Variants in TMEM179 observed in about 807,000 individuals in gnomAD.
TMEM179 encodes the protein transmembrane protein 179A.
A neutral mutation model predicts 22.2 loss-of-function variants in TMEM179; 17 were observed. That is an observed-to-expected ratio of 0.77 (90% CI 0.52 to 1.15). TMEM179 has a LOEUF of 1.15. Ranked by LOEUF, TMEM179 falls within the 50% of genes most tolerant of loss-of-function variation. The pLI, the probability that TMEM179 is intolerant of heterozygous loss-of-function variation, is 0.00. For synonymous variants in TMEM179, 127 were observed against 140.5 expected (o/e 0.90, Z 0.68); for missense variants, 265 against 313.6 (o/e 0.84, Z 1.17).
chr14:104,600,402 C>T (rs1887194262), intron 1 of TMEM179, among the ~76,000 whole-genome samples: 1 of 152,226 alleles, frequency 6.6e-6, no homozygotes, highest in Admixed American at 6.5e-5. Context: ...AGCGCCGGCA[C>T]GGGCAGGCAG....
At position 104,591,422 on chromosome 14, in the gene TMEM179, AAG is replaced by A. The variant is rs1332859663; in HGVS notation, c.*2055_*2056del. Reference sequence around the variant, plus strand: ...CAGACAAGGAGCTCTCCGGACTGGAAAGAGTCCCCATGTCCAGTGGGTCAGGG... The same window carrying A: ...CAGACAAGGAGCTCTCCGGACTGGAAAGTCCCCATGTCCAGTGGGTCAGGG... On this transcript the variant is annotated 3_prime_UTR_variant, in exon 4 of 4. Transcript: ENST00000556573. 3 of 455,854 alleles carry A rather than the reference AAG, an allele frequency of 6.6e-6. No homozygotes were observed. The highest frequency in any genetic ancestry group is 1.3e-5 in the Non-Finnish European group (3 of 226,768). The allele number at this position is 455,854 out of a possible 1,614,324, so 28.2% of individuals were successfully genotyped here. A position where few individuals can be genotyped will look rare whatever the true frequency, so the allele number is the denominator to read the frequency against.
At chr14:104,596,923 C>T (rs1387953367) in intron 2 of TMEM179, 67 bp downstream of exon 2, 3 of 1,561,654 alleles carry the variant, frequency 1.9e-6, no homozygotes, top group Non-Finnish European at 2.6e-6. Context: ...TCACCCACAG[C>T]AGGGCAGGGT....
rs1173550058 is a variant in TMEM179, at chr14:104,591,886, G to A, written c.*1593C>T. On this transcript the variant is annotated 3_prime_UTR_variant, in exon 4 of 4. Coordinates refer to ENST00000556573, the MANE Select transcript of TMEM179 (RefSeq NM_001286389.2). ...CGAGCCCCGGGTGGGGAGGCCCCCC[G>A]CCTCCGCCCCCGCCCCAGAACGAGT... 4.5e-5 allele frequency: 8 copies of A among 176,366 alleles called. No homozygotes were observed. Among genetic ancestry groups the A allele is most frequent in the South Asian group, 3.6e-4 (3 of 8,394 alleles). The allele number at this position is 176,366 out of a possible 1,614,324, so 10.9% of individuals were successfully genotyped here.
Position 104,597,097 on chromosome 14 carries a change from C to A in TMEM179, c.336G>T (p.Leu112=). 6.2e-7 allele frequency: 1 copy of A among 1,604,274 alleles called. No homozygotes were observed. ...CCAGGAAGACCACGAAGGCGCTGACCAGGAGGTTCAGGAAGGCGGAGAAGA... is the reference window on the plus strand; with the variant it reads ...CCAGGAAGACCACGAAGGCGCTGACAAGGAGGTTCAGGAAGGCGGAGAAGA... ...GSFFSAFLNL[L]VSAFVVFLVF... Residue 112 remains leucine (L), a synonymous_variant, in exon 2 of 4, where the codon CTG becomes CTT. Transcript: ENST00000556573. This position sits in a 1 kb window ranked among gnomAD's most constrained non-coding sequence, Gnocchi z 4.8.
chr14:104,594,553 G>A (rs1290022633), intron 3 of TMEM179: 86 of 1,230,716 alleles, frequency 7.0e-5, no homozygotes, highest in South Asian at 4.2e-5. Context: ...CGGCCCTCAC[G>A]GGCCACTGAT....
intron 1 of TMEM179, among the ~76,000 whole-genome samples, chr14:104,598,481 C>T (rs529178539): frequency 1.3e-4 from 20 of 152,354 alleles, no homozygotes; most frequent in Admixed American, 2.6e-4. Flanking sequence ...TACCGTCATC[C>T]GAACTCGGCA....
intron 2 of TMEM179, among the ~76,000 whole-genome samples, chr14:104,596,471 T>C (rs1403087254): frequency 6.6e-6 from 1 of 152,178 alleles, no homozygotes; most frequent in East Asian, 1.9e-4. Context: ...AGAAGCTTCC[T>C]CTGCTCCTGT....
At chr14:104,602,244 G>A (rs1423359860) in intron 1 of TMEM179, among the ~76,000 whole-genome samples, 1 of 152,110 alleles carries the variant, frequency 6.6e-6, no homozygotes, top group Admixed American at 6.6e-5. Flanking sequence ...CAAGCTCTGG[G>A]GCTCTTTTCT....
rs1886834131 is a variant in TMEM179 at position 104,591,212 on chromosome 14, G to A, written c.*2267C>T. On this transcript the variant is annotated 3_prime_UTR_variant, in exon 4 of 4. Transcript: ENST00000556573. Reference sequence around the variant, plus strand: ...TTTCCATCACCCTGGCCATGGGGCTGTTCCACACCTGCTCCTGGGATCCAG... The same window carrying A: ...TTTCCATCACCCTGGCCATGGGGCTATTCCACACCTGCTCCTGGGATCCAG... 1 of 372,350 alleles carries A rather than the reference G, an allele frequency of 2.7e-6. No homozygotes were observed. Among genetic ancestry groups the A allele is most frequent in the African/African-American group, 2.1e-5 (1 of 47,202 alleles). 23.1% of individuals were successfully genotyped at this position (372,350 alleles called of 1,614,324 possible). A position where few individuals can be genotyped will look rare whatever the true frequency, so the allele number is the denominator to read the frequency against.
intron 3 of TMEM179, chr14:104,594,517 C>G (rs930973613): frequency 8.1e-7 from 1 of 1,231,518 alleles, no homozygotes; most frequent in Non-Finnish European, 1.0e-6. Context: ...TTTCAAGGGG[C>G]AAACCCAATT....
chr14:104,603,363 A>G (rs940577125), intron 1 of TMEM179, among the ~76,000 whole-genome samples: 2 of 152,166 alleles, frequency 1.3e-5, no homozygotes, highest in Admixed American at 1.3e-4. Context: ...AAAACCTACA[A>G]CAAAGGATGG....
chr14:104,603,295 C>G (rs1172712473), intron 1 of TMEM179, among the ~76,000 whole-genome samples: 3 of 152,038 alleles, frequency 2.0e-5, no homozygotes, highest in Admixed American at 6.6e-5. Context: ...GGCTTCCCCA[C>G]TCCTGCCGCC....
chr14:104,591,442 G>C lies in TMEM179; in HGVS notation c.*2037C>G. The C allele has an allele frequency of 4.4e-6, 2 of 455,916 alleles. No individual in the cohort carries two copies. The highest frequency in any genetic ancestry group is 8.8e-6 in the Non-Finnish European group (2 of 226,698). 28.2% of individuals were successfully genotyped at this position (455,916 alleles called of 1,614,324 possible). ...CTGGAAAGAGTCCCCATGTCCAGTGGGTCAGGGCTGGAAGGGGAGACAGGG... is the reference window on the plus strand; with the variant it reads ...CTGGAAAGAGTCCCCATGTCCAGTGCGTCAGGGCTGGAAGGGGAGACAGGG... On this transcript the variant is annotated 3_prime_UTR_variant, in exon 4 of 4. Transcript: ENST00000556573.
Position 104,591,418 on chromosome 14 carries a change from T to C in TMEM179, c.*2061A>G, listed in dbSNP as rs984560920. The C allele has an allele frequency of 6.6e-6, 3 of 455,770 alleles. No homozygotes were observed. The highest frequency in any genetic ancestry group is 6.0e-5 in the African/African-American group (3 of 50,024). 28.2% of individuals were successfully genotyped at this position (455,770 alleles called of 1,614,324 possible). On this transcript the variant is annotated 3_prime_UTR_variant, in exon 4 of 4. Transcript: ENST00000556573. ...GACACAGACAAGGAGCTCTCCGGAC[T>C]GGAAAGAGTCCCCATGTCCAGTGGG...
Position 104,604,445 on chromosome 14 carries a change from T to A in TMEM179, c.297A>T (p.Gly99=). The change falls in exon 1 of 4, where the codon GGA becomes GGT. Residue 99 remains glycine, a synonymous_variant. Transcript: ENST00000556573. The surrounding 1 kb of genome is among the most constrained non-coding windows in gnomAD (Gnocchi z 4.6). ...GAGCGGCCCCCACTTACCCCTCGTG[T>A]CCCTTGCAGAGGAAGAAGAGCGTGC... ...AWRTLFFLCK[G]HEGSFFSAFL... 1 of 1,573,128 alleles carries A rather than the reference T, an allele frequency of 6.4e-7. No homozygotes were observed. The highest frequency in any genetic ancestry group is 8.6e-7 in the Non-Finnish European group (1 of 1,165,530).
chr14:104,594,487 G>A (rs1036968820), intron 3 of TMEM179: 11 of 1,231,650 alleles, frequency 8.9e-6, no homozygotes, highest in African/African-American at 3.1e-5. Flanking sequence ...CCTCATCTCC[G>A]TCTGGGGCAC....
Position 104,604,736 on chromosome 14 carries a change from C to A in TMEM179, c.6G>T (p.Ala2=). 6.4e-7 allele frequency: 1 copy of A among 1,561,414 alleles called. No homozygotes were observed. The highest frequency in any genetic ancestry group is 8.6e-7 in the Non-Finnish European group (1 of 1,157,578). ...ACTGAGCGAAAAGGAAATTGTTGAG[C>A]GCCATGGCCGGCCCGGGCGAGAGCG... M[A]LNNFLFAQCA... The change falls in exon 1 of 4, where the codon GCG becomes GCT. Residue 2 remains alanine (A), a synonymous_variant. Transcript: ENST00000556573. The surrounding 1 kb of genome is among the most constrained non-coding windows in gnomAD (Gnocchi z 4.6).
intron 1 of TMEM179, among the ~76,000 whole-genome samples, chr14:104,600,581 T>C (rs1216804655): frequency 6.7e-6 from 1 of 149,428 alleles, no homozygotes; most frequent in Non-Finnish European, 1.5e-5. Context: ...CATTCATTCA[T>C]CCATTCATTC....
At chr14:104,593,768 A>G (rs1426028921) in intron 3 of TMEM179, 110 bp from the exon 4 acceptor site, 1 of 1,252,028 alleles carries the variant, frequency 8.0e-7, no homozygotes, top group African/African-American at 1.5e-5. Context: ...CAGGACTCAG[A>G]GGAAGGAGGA....
Sources: allele counts gnomAD v4.1 joint callset (sites outside exome capture counted in the v4.1 genomes callset), GRCh38; gene constraint gnomAD v4.1.1; non-coding constraint Gnocchi (gnomAD v3.1); transcripts MANE v1.5; gene names NCBI Gene and HGNC (gene_info 2026-07-23, HGNC 2026-07-21).